The following PSD2 variants were observed in gnomAD, a reference collection of about 807,000 sequenced individuals.
The protein encoded by PSD2 is PH and SEC7 domain-containing protein 2.
PSD2 carries 38 observed loss-of-function variants against 69.8 expected under a neutral mutation model. The observed-to-expected ratio is 0.54, with a 90% confidence interval of 0.42 to 0.71. The LOEUF (loss-of-function observed/expected upper bound fraction) is 0.71, where lower values mean the gene tolerates loss of function less well. Ranked by LOEUF, PSD2 falls within the 30% of genes least tolerant of loss-of-function variation. The probability of loss-of-function intolerance (pLI) is 0.00; values close to 1 mark genes in which losing one functional copy is unlikely to be tolerated. For missense variants in PSD2, 943 were observed against 1,014.5 expected (o/e 0.93, Z 0.96); for synonymous variants, 412 against 423.0 (o/e 0.97, Z 0.32).
the PSD2 span, among the ~76,000 whole-genome samples, chr5:139,761,134 C>T: frequency 7.9e-5 from 12 of 152,344 alleles, no homozygotes; most frequent in East Asian, 1.9e-4. Context: ...ATCAACATCT[C>T]GGAGTCCCTG....
At chr5:139,806,350 A>T (rs1462599479) in intron 1 of PSD2, among the ~76,000 whole-genome samples, 1 of 152,116 alleles carries the variant, frequency 6.6e-6, no homozygotes, top group African/African-American at 2.4e-5. Context: ...ATCTCCTGGG[A>T]GAGTTTGGCA....
chr5:139,754,876 C>T, the PSD2 span, among the ~76,000 whole-genome samples: 2 of 147,266 alleles, frequency 1.4e-5, no homozygotes, highest in African/African-American at 5.4e-5. Flanking sequence ...CAAAAAAAAA[C>T]AAAAACAAAA....
Position 139,817,481 on chromosome 5 carries a change from C to T in PSD2, c.1017C>T (p.Asn339=). 1 of 1,613,810 alleles carries T rather than the reference C, an allele frequency of 6.2e-7. No individual in the cohort carries two copies. Residue 339 remains asparagine, a splice_region_variant and synonymous_variant, in exon 5 of 15, where the codon AAC becomes AAT. Coordinates refer to ENST00000274710, the MANE Select transcript of PSD2 (RefSeq NM_032289.4). ...CAGACATCCCATACTCTCCTGGCAG[C>T]AACGAGTTTAGCAGGCTGGTGGCCG... ...RCDVARQLGK[N]NEFSRLVAGE...
the PSD2 span, among the ~76,000 whole-genome samples, chr5:139,746,871 C>T: frequency 6.6e-6 from 1 of 152,162 alleles, no homozygotes; most frequent in Non-Finnish European, 1.5e-5. The surrounding 1 kb of genome is among the most constrained non-coding windows in gnomAD (Gnocchi z 4.5). Flanking sequence ...GGCTCCCAGC[C>T]CTGGTGGTGG....
At chr5:139,761,184 A>T in the PSD2 span, among the ~76,000 whole-genome samples, 2 of 152,102 alleles carry the variant, frequency 1.3e-5, no homozygotes, top group Non-Finnish European at 2.9e-5. Context: ...TGCCTGATCC[A>T]CTTCACTGAG....
At position 139,836,969 on chromosome 5, in the gene PSD2, G is replaced by A. The variant is rs779650317; in HGVS notation, c.1562G>A (p.Arg521Gln). Residue 521 changes from arginine to glutamine, a missense_variant, in exon 10 of 15, where the codon CGG becomes CAG. Around this residue, in one of 3 missense-constraint regions of PSD2, gnomAD observed 312 missense variants for 400.7 expected, o/e 0.78. Coordinates refer to ENST00000274710, the MANE Select transcript of PSD2 (RefSeq NM_032289.4). ...ATTYKHGVLTRKTHADMDGKR... is the reference protein window; with the variant it reads ...ATTYKHGVLTQKTHADMDGKR... The stretch of plus-strand genomic sequence containing the variant: ...ACCTACAAGCACGGCGTCCTGACCC[G>A]GAAGACTCACGCTGACATGGATGGC... The A allele has an allele frequency of 5.0e-6, 8 of 1,613,608 alleles. No individual in the cohort carries two copies. Among genetic ancestry groups the A allele is most frequent in the South Asian group, 1.1e-5 (1 of 91,080 alleles).
Position 139,822,727 on chromosome 5 carries a change from T to A in PSD2, c.1212T>A (p.Asp404Glu). The A allele has an allele frequency of 3.1e-6, 5 of 1,609,390 alleles. No homozygotes were observed. Among genetic ancestry groups the A allele is most frequent in the Non-Finnish European group, 4.2e-6 (5 of 1,177,748 alleles). ...AGAGTGCCACCATCTCTGACTCAGA[T>A]GGGATCCACACGCTCACCTGTGCCC... is the stretch of plus-strand genomic sequence containing the variant. ...QCNPDDSTSE[D>E]GIHTLTCALM... is the part of the protein sequence containing the mutation. Residue 404 changes from aspartate (D) to glutamate (E), a missense_variant and splice_region_variant, in exon 7 of 15, where the codon GAT becomes GAA. Asp to Glu is a conservative substitution (Grantham distance 45). This residue lies in a region of PSD2 where 312 missense variants were observed against 400.7 expected (regional missense o/e 0.78). Coordinates refer to ENST00000274710, the MANE Select transcript of PSD2 (RefSeq NM_032289.4).
the PSD2 span, among the ~76,000 whole-genome samples, chr5:139,777,552 G>T: frequency 6.6e-6 from 1 of 152,168 alleles, no homozygotes; most frequent in Non-Finnish European, 1.5e-5. Flanking sequence ...TAATTTTGAT[G>T]ATAAAGAAAA....
chr5:139,823,255 CCTT>C (rs1393615493), intron 7 of PSD2, among the ~76,000 whole-genome samples: 1 of 152,220 alleles, frequency 6.6e-6, no homozygotes, highest in African/African-American at 2.4e-5. Context: ...CTCAATAACT[CCTT>C]CTTCTTTCCT....
upstream of PSD2, among the ~76,000 whole-genome samples, chr5:139,792,860 T>G (rs779614786): frequency 0.036 from 234 of 6,472 alleles, 1 homozygote; most frequent in Non-Finnish European, 0.038. Context: ...CTTTCTGTCT[T>G]TCCTTCCTTC....
At chr5:139,818,381 C>CA (rs568287597) in intron 5 of PSD2, among the ~76,000 whole-genome samples, 288 of 152,136 alleles carry the variant, frequency 1.9e-3, no homozygotes, top group Admixed American at 6.5e-3. Flanking sequence ...CCAGTCTCTA[C>CA]AAAAAAGTAG....
chr5:139,766,910 T>TCCC, the PSD2 span, among the ~76,000 whole-genome samples: 9 of 51,010 alleles, frequency 1.8e-4, no homozygotes, highest in East Asian at 6.1e-4. Context: ...TTTCCCTCCC[T>TCCC]TCCTTCCTTC....
At chr5:139,826,379 GGAGA>G (rs1298509224) in intron 7 of PSD2, among the ~76,000 whole-genome samples, 2 of 152,234 alleles carry the variant, frequency 1.3e-5, no homozygotes, top group Non-Finnish European at 2.9e-5. Context: ...TGCCACTGCA[GGAGA>G]GAGAAGGGAC....
At chr5:139,782,497 T>G in the PSD2 span, among the ~76,000 whole-genome samples, 3 of 145,494 alleles carry the variant, frequency 2.1e-5, no homozygotes, top group South Asian at 2.2e-4. Context: ...CTAGTTTTTT[T>G]TTTTTTTTTT....
intron 4 of PSD2, among the ~76,000 whole-genome samples, chr5:139,815,887 G>A (rs1322485421): frequency 4.6e-5 from 7 of 151,522 alleles, no homozygotes; most frequent in African/African-American, 1.7e-4. Flanking sequence ...CCAGCTACTC[G>A]GGAGGCTGAG....
At chr5:139,810,765 G>T (rs1759937375) in intron 2 of PSD2, among the ~76,000 whole-genome samples, 1 of 152,344 alleles carries the variant, frequency 6.6e-6, no homozygotes, top group Non-Finnish European at 1.5e-5. Flanking sequence ...CATCCAGGCA[G>T]GGCCTAGGGC....
At chr5:139,795,301 C>T (rs1581704188), upstream of PSD2, among the ~76,000 whole-genome samples, 1 of 152,314 alleles carries the variant, frequency 6.6e-6, no homozygotes, top group East Asian at 1.9e-4. This position sits in a 1 kb window ranked among gnomAD's most constrained non-coding sequence, Gnocchi z 4.5. Context: ...GCCCCCCGCA[C>T]TCCCTGCTCC....
At chr5:139,766,668 T>A in the PSD2 span, among the ~76,000 whole-genome samples, 1 of 152,154 alleles carries the variant, frequency 6.6e-6, no homozygotes, top group Non-Finnish European at 1.5e-5. Context: ...TTAAAGGTCC[T>A]TAGAGATGCC....
the PSD2 span, among the ~76,000 whole-genome samples, chr5:139,783,494 G>T: frequency 2.6e-5 from 4 of 152,188 alleles, no homozygotes; most frequent in South Asian, 4.1e-4. Flanking sequence ...GTCTTTTTAA[G>T]GCTGATGTTC....
Sources: gnomAD v4.1 joint callset for allele counts (sites outside exome capture counted in the v4.1 genomes callset) on GRCh38, gnomAD v4.1.1 for gene constraint, gnomAD v4.1.1 regional missense constraint, Gnocchi (gnomAD v3.1) non-coding constraint, MANE v1.5 for transcripts, NCBI Gene and HGNC (gene_info 2026-07-23, HGNC 2026-07-21) for gene names.